The following EFCAB13 variants were observed in gnomAD, a reference collection of about 807,000 sequenced individuals.
EFCAB13 encodes the protein EF-hand calcium-binding domain-containing protein 13.
Under a neutral mutation model 110.2 loss-of-function variants are expected in EFCAB13, and 91 were observed. The ratio of observed to expected loss-of-function variants is 0.83; its 90% CI spans 0.70 to 0.98. The LOEUF is 0.98. Among genes scored for constraint, EFCAB13 ranks in the 50% least tolerant of loss-of-function variants. EFCAB13 has a pLI of 0.00. For missense variants in EFCAB13, 968 were observed against 1,119.4 expected (o/e 0.86, Z 1.93); for synonymous variants, 323 against 369.9 (o/e 0.87, Z 1.45).
rs538761893 is a variant in EFCAB13 at position 47,328,248 on chromosome 17, T to C, written c.-85-21T>C. 6 of 987,782 alleles carry C rather than the reference T, an allele frequency of 6.1e-6. No individual in the cohort carries two copies. The East Asian group carries it at 1.4e-4, about 24-fold the overall frequency. The allele number at this position is 987,782 out of a possible 1,614,324, so 61.2% of individuals were successfully genotyped here. ...GTGTTCTAAACAAGCGTATGATTTC[T>C]TCTTTCTCTTTTTTTGGCAGGAAAT... is the stretch of plus-strand genomic sequence containing the variant. On this transcript the variant is annotated intron_variant, in intron 3 of 24. Coordinates refer to ENST00000331493, the MANE Select transcript of EFCAB13 (RefSeq NM_152347.5).
At chr17:47,395,764 C>T in intron 16 of EFCAB13, 70 bp from the exon 17 acceptor site, 6 of 1,339,068 alleles carry the variant, frequency 4.5e-6, no homozygotes, top group East Asian at 2.5e-5. Flanking sequence ...TTGTCTATTC[C>T]AGATGACAGT....
chr17:47,327,806 G>C (rs1429020031), intron 3 of EFCAB13, among the ~76,000 whole-genome samples: 2 of 152,116 alleles, frequency 1.3e-5, no homozygotes, highest in Non-Finnish European at 2.9e-5. Flanking sequence ...ATGTTCTATG[G>C]GACTGAAGAC....
chr17:47,325,923 A>AATATATATATGCT (rs1555575761), intron 2 of EFCAB13, among the ~76,000 whole-genome samples: 1 of 102,552 alleles, frequency 9.8e-6, no homozygotes, highest in Non-Finnish European at 1.9e-5. Context: ...ATATAAACAA[A>AATATATATATGCT]ATATATATAT....
chr17:47,415,866 G>T (rs889012315), intron 23 of EFCAB13, among the ~76,000 whole-genome samples: 1 of 151,844 alleles, frequency 6.6e-6, no homozygotes, highest in African/African-American at 2.4e-5. Flanking sequence ...AAAGACTTCT[G>T]CTTGGCCTCT....
chr17:47,387,440 C>G (rs1402336498), intron 14 of EFCAB13, among the ~76,000 whole-genome samples: 1 of 152,196 alleles, frequency 6.6e-6, no homozygotes, highest in Non-Finnish European at 1.5e-5. Flanking sequence ...TGCAGTCTCT[C>G]TCTCCCTTTA....
intron 23 of EFCAB13, among the ~76,000 whole-genome samples, chr17:47,425,850 C>T (rs150054134): frequency 2.0e-5 from 3 of 152,246 alleles, no homozygotes; most frequent in Non-Finnish European, 2.9e-5. Flanking sequence ...AAAGTTGCTG[C>T]GCAGAACTAT....
chr17:47,401,894 T>A (rs1472147829), intron 17 of EFCAB13, among the ~76,000 whole-genome samples: 1 of 152,160 alleles, frequency 6.6e-6, no homozygotes, highest in Non-Finnish European at 1.5e-5. Flanking sequence ...TCCACCCACC[T>A]CAGCCTCCCA....
chr17:47,420,064 C>T (rs2143487534), intron 23 of EFCAB13, among the ~76,000 whole-genome samples: 1 of 152,298 alleles, frequency 6.6e-6, no homozygotes, highest in Non-Finnish European at 1.5e-5. Context: ...TCTCCTGCCT[C>T]AGCCTGCCAA....
Position 47,377,763 on chromosome 17 carries a change from T to G in EFCAB13, c.1373-3T>G. On this transcript the variant is annotated splice_polypyrimidine_tract_variant and splice_region_variant and intron_variant, in intron 12 of 24. Coordinates refer to ENST00000331493, the MANE Select transcript of EFCAB13 (RefSeq NM_152347.5). ...AATAGTTCTCTACATTTTGTGTATT[T>G]AGAAAACTTCTGTGAAGCTATCAGT... is the stretch of plus-strand genomic sequence containing the variant. 6.4e-7 allele frequency: 1 copy of G among 1,565,598 alleles called. No homozygotes were observed. The highest frequency in any genetic ancestry group is 8.6e-7 in the Non-Finnish European group (1 of 1,163,256).
chr17:47,385,289 G>C (rs78710173), intron 14 of EFCAB13, among the ~76,000 whole-genome samples: 2 of 152,022 alleles, frequency 1.3e-5, no homozygotes, highest in Admixed American at 1.3e-4. Context: ...CTAATCAATC[G>C]TAGGTTTGGT....
At chr17:47,390,768 A>T (rs563167112) in intron 14 of EFCAB13, among the ~76,000 whole-genome samples, 23 of 152,284 alleles carry the variant, frequency 1.5e-4, no homozygotes, top group East Asian at 9.6e-4. Context: ...AGAATTTTAA[A>T]TTGTTGAATT....
intron 4 of EFCAB13, among the ~76,000 whole-genome samples, chr17:47,333,781 A>G (rs749292650): frequency 2.0e-4 from 31 of 152,158 alleles, no homozygotes; most frequent in Non-Finnish European, 2.8e-4. Context: ...ATCCTGTCCT[A>G]TTGATTGGTG....
At chr17:47,434,463 C>T (rs1199280961) in intron 24 of EFCAB13, among the ~76,000 whole-genome samples, 1 of 152,098 alleles carries the variant, frequency 6.6e-6, no homozygotes, top group African/African-American at 2.4e-5. Context: ...GTGAAAATTA[C>T]CGTACTGCCA....
intron 3 of EFCAB13, among the ~76,000 whole-genome samples, chr17:47,327,119 G>T (rs78024734): frequency 0.041 from 6,203 of 152,210 alleles, 290 homozygotes; most frequent in East Asian, 0.24. Context: ...TGAAAGTCTT[G>T]AGTTTGAAGT....
intron 23 of EFCAB13, among the ~76,000 whole-genome samples, chr17:47,422,955 C>G (rs1178414446): frequency 6.6e-6 from 1 of 152,108 alleles, no homozygotes; most frequent in Non-Finnish European, 1.5e-5. Flanking sequence ...GTAAAACTCA[C>G]GTTACTTTAC....
chr17:47,378,036 A>G (rs1003522640), intron 13 of EFCAB13, 133 bp downstream of exon 13: 9 of 845,516 alleles, frequency 1.1e-5, no homozygotes, highest in African/African-American at 3.6e-5. Context: ...GAAAATTCAG[A>G]TATAAAAATG....
intron 4 of EFCAB13, among the ~76,000 whole-genome samples, chr17:47,331,687 A>G (rs1380936400): frequency 6.6e-6 from 1 of 152,140 alleles, no homozygotes; most frequent in Non-Finnish European, 1.5e-5. Context: ...AGTATCATAC[A>G]GAATAATCAC....
chr17:47,438,237 G>C (rs1412387711), intron 24 of EFCAB13, among the ~76,000 whole-genome samples: 1 of 152,168 alleles, frequency 6.6e-6, no homozygotes, highest in African/African-American at 2.4e-5. Context: ...CTTAACTTTG[G>C]ATAACCTGAT....
At chr17:47,411,425 A>G (rs887549164) in intron 21 of EFCAB13, among the ~76,000 whole-genome samples, 2 of 152,198 alleles carry the variant, frequency 1.3e-5, no homozygotes, top group East Asian at 3.8e-4. Flanking sequence ...CCCAGAGTTC[A>G]TCACTTTTTA....
Sources: allele counts gnomAD v4.1 joint callset (sites outside exome capture counted in the v4.1 genomes callset), GRCh38; gene constraint gnomAD v4.1.1; transcripts MANE v1.5; gene names NCBI Gene and HGNC (gene_info 2026-07-23, HGNC 2026-07-21).